Variants in MTPN observed in about 807,000 individuals in gnomAD.
MTPN encodes the protein myotrophin.
MTPN carries 2 observed loss-of-function variants against 13.5 expected under a neutral mutation model. That is an observed-to-expected ratio of 0.15 (90% CI 0.06 to 0.47). The LOEUF (loss-of-function observed/expected upper bound fraction) is 0.47. Ranked by LOEUF, MTPN falls within the 20% of genes least tolerant of loss-of-function variation. The pLI is 0.97. For synonymous variants in MTPN, 46 were observed against 51.7 expected (o/e 0.89, Z 0.48); for missense variants, 79 against 137.9 (o/e 0.57, Z 2.14).
intron 1 of MTPN, among the ~76,000 whole-genome samples, chr7:135,968,653 C>A (rs571422491): frequency 8.6e-5 from 13 of 150,938 alleles, no homozygotes; most frequent in African/African-American, 2.7e-4. Context: ...TGCATGACAT[C>A]CTCCTAAGAT....
At chr7:135,961,688 TAAAC>T (rs2116394403) in intron 1 of MTPN, among the ~76,000 whole-genome samples, 1 of 152,066 alleles carries the variant, frequency 6.6e-6, no homozygotes, top group South Asian at 2.1e-4. Flanking sequence ...TGAATTTTGT[TAAAC>T]AACAACAAAA....
At chr7:135,964,941 G>C (rs967473775) in intron 1 of MTPN, among the ~76,000 whole-genome samples, 2 of 152,064 alleles carry the variant, frequency 1.3e-5, no homozygotes, top group African/African-American at 4.8e-5. Flanking sequence ...GTCAAAGCCA[G>C]CATGCTGTTT....
At chr7:135,975,379 T>C (rs1426255060) in intron 1 of MTPN, among the ~76,000 whole-genome samples, 1 of 152,212 alleles carries the variant, frequency 6.6e-6, no homozygotes, top group African/African-American at 2.4e-5. Context: ...AGTTTCAGTT[T>C]TGGAGTCAGC....
At chr7:135,970,445 C>T (rs1306997959) in intron 1 of MTPN, among the ~76,000 whole-genome samples, 1 of 151,930 alleles carries the variant, frequency 6.6e-6, no homozygotes, top group African/African-American at 2.4e-5. Flanking sequence ...AAAATTTTGG[C>T]CAATTTTTGT....
intron 1 of MTPN, among the ~76,000 whole-genome samples, chr7:135,966,129 TAGG>T (rs1373042432): frequency 2.6e-5 from 4 of 152,142 alleles, no homozygotes; most frequent in African/African-American, 9.7e-5. Flanking sequence ...CCAGAACTGC[TAGG>T]AGGATTGAAG....
chr7:135,970,588 A>C (rs1460656545), intron 1 of MTPN, among the ~76,000 whole-genome samples: 1 of 152,158 alleles, frequency 6.6e-6, no homozygotes. Flanking sequence ...TTAAATAACA[A>C]GCTCATAATA....
intron 1 of MTPN, among the ~76,000 whole-genome samples, chr7:135,954,817 C>A (rs1383807815): frequency 6.6e-6 from 1 of 152,142 alleles, no homozygotes; most frequent in Non-Finnish European, 1.5e-5. Flanking sequence ...GTGGTGGGCA[C>A]CTGTAGTCCC....
rs369620909 is a variant in MTPN at position 135,933,518 on chromosome 7, T to C, written c.271-3506A>G. The stretch of plus-strand genomic sequence containing the variant: ...TCTATTTTGTCAAGATTAACTTTTA[T>C]ATTCTGGTCTGTAAAAACTGTGTTT... On this transcript the variant is annotated intron_variant, in intron 3 of 3. Coordinates refer to ENST00000393085, the MANE Select transcript of MTPN (RefSeq NM_145808.4). 1.1e-4 allele frequency among the ~76,000 whole-genome samples: 16 copies of C among 152,348 alleles called. No homozygotes were observed. The South Asian group carries it at 2.9e-3, about 28-fold the overall frequency.
intron 3 of MTPN, among the ~76,000 whole-genome samples, chr7:135,944,238 T>C (rs947453457): frequency 5.3e-5 from 8 of 152,188 alleles, no homozygotes; most frequent in African/African-American, 1.9e-4. Context: ...TATTTAGAAA[T>C]AGTATTCCTT....
Position 135,927,437 on chromosome 7 carries a change from A to G in MTPN, c.*2489T>C, listed in dbSNP as rs1323303471. ...TTGTACTTGATATAGTGCATATGAA[A>G]TGACTGATTTAATACAAAACTACAG... On this transcript the variant is annotated 3_prime_UTR_variant, in exon 4 of 4. Coordinates refer to ENST00000393085, the MANE Select transcript of MTPN (RefSeq NM_145808.4). 1 of 1,536,778 alleles carries G rather than the reference A, an allele frequency of 6.5e-7. No homozygotes were observed. The highest frequency in any genetic ancestry group is 1.4e-5 in the African/African-American group (1 of 72,340).
At position 135,927,413 on chromosome 7, in the gene MTPN, T is replaced by C. The variant is rs1345156261; in HGVS notation, c.*2513A>G. On this transcript the variant is annotated 3_prime_UTR_variant, in exon 4 of 4. Transcript: ENST00000393085. ...ACTATAAACAGGTAAACTACCTGTT[T>C]GTACTTGATATAGTGCATATGAAAT... The C allele has an allele frequency of 6.5e-7, 1 of 1,548,248 alleles. No individual in the cohort carries two copies.
intron 1 of MTPN, among the ~76,000 whole-genome samples, chr7:135,959,141 C>T (rs373547748): frequency 6.6e-6 from 1 of 152,270 alleles, no homozygotes; most frequent in South Asian, 2.1e-4. Context: ...TGTGAACACA[C>T]TATGTATTCT....
At position 135,927,228 on chromosome 7, in the gene MTPN, C is replaced by T. The variant is rs770847858; in HGVS notation, c.*2698G>A. 1.0e-5 allele frequency: 14 copies of T among 1,364,912 alleles called. No individual in the cohort carries two copies. The highest frequency in any genetic ancestry group is 1.4e-5 in the Non-Finnish European group (14 of 1,025,274). The allele number at this position is 1,364,912 out of a possible 1,614,324, so 84.6% of individuals were successfully genotyped here. On this transcript the variant is annotated 3_prime_UTR_variant, in exon 4 of 4. Transcript: ENST00000393085. ...AAAAGGCCTACTTGTTTGCAGCTTC[C>T]ACACACTGCACCTACCTACTACCTC...
intron 1 of MTPN, among the ~76,000 whole-genome samples, chr7:135,952,536 T>A: frequency 6.6e-6 from 1 of 152,210 alleles, no homozygotes; most frequent in East Asian, 1.9e-4. Flanking sequence ...AAATAACTTT[T>A]TACTGTGGTT....
intron 1 of MTPN, among the ~76,000 whole-genome samples, chr7:135,953,821 TAAAAC>T (rs1799400374): frequency 6.6e-6 from 1 of 152,200 alleles, no homozygotes; most frequent in African/African-American, 2.4e-5. Context: ...TATTAGATGA[TAAAAC>T]AATCTAAGTT....
chr7:135,958,742 G>C (rs371125831), intron 1 of MTPN, among the ~76,000 whole-genome samples: 1 of 152,112 alleles, frequency 6.6e-6, no homozygotes, highest in African/African-American at 2.4e-5. Context: ...TTGATTTGCT[G>C]TTATCCTGAA....
At chr7:135,930,127 C>T in intron 3 of MTPN, 115 bp from the exon 4 acceptor site, 1 of 830,124 alleles carries the variant, frequency 1.2e-6, no homozygotes. Flanking sequence ...AATTCCTTTA[C>T]TAGTGGAGTC....
At chr7:135,961,002 A>G (rs1799513406) in intron 1 of MTPN, among the ~76,000 whole-genome samples, 1 of 152,072 alleles carries the variant, frequency 6.6e-6, no homozygotes, top group Non-Finnish European at 1.5e-5. Context: ...AGTGACATAT[A>G]GCAAGGAAAT....
intron 2 of MTPN, 71 bp from the exon 3 acceptor site, chr7:135,950,753 AACTCTTT>A: frequency 8.3e-7 from 1 of 1,210,374 alleles, no homozygotes. Flanking sequence ...TTAACTAGAA[AACTCTTT>A]CTAGATTTAC....
Sources: gnomAD v4.1 joint callset for allele counts (sites outside exome capture counted in the v4.1 genomes callset) on GRCh38, gnomAD v4.1.1 for gene constraint, MANE v1.5 for transcripts, NCBI Gene and HGNC (gene_info 2026-07-23, HGNC 2026-07-21) for gene names.